TPR: variants seen among roughly 807,000 people sequenced by gnomAD.
TPR encodes the protein nucleoprotein TPR.
Under a neutral mutation model 316.1 loss-of-function variants are expected in TPR, and 51 were observed. The observed-to-expected ratio is 0.16, with a 90% CI of 0.13 to 0.20. The LOEUF (loss-of-function observed/expected upper bound fraction) is 0.20. Ranked by LOEUF, TPR falls within the 10% of genes least tolerant of loss-of-function variation. TPR has a pLI of 1.00. For synonymous variants in TPR, 981 were observed against 914.7 expected (o/e 1.07, Z -1.31); for missense variants, 2,272 against 2,754.8 (o/e 0.82, Z 3.92).
chr1:186,368,924 A>G lies in TPR; in HGVS notation c.331-942T>C, dbSNP rs112440689. Among the ~76,000 whole-genome samples, 1,000 of 152,292 alleles carry G rather than the reference A, an allele frequency of 6.6e-3. 18 individuals carry two copies. Among genetic ancestry groups the G allele is most frequent in the African/African-American group, 0.023 (969 of 41,574 alleles). ...TCATCCATCTTGGCTTGATTTCGGT[A>G]TATGATGTAAGCAACACAAACATCC... On this transcript the variant is annotated intron_variant, in intron 3 of 50. Transcript: ENST00000367478.
chr1:186,322,562 A>G lies in TPR; in HGVS notation c.6322T>C (p.Ser2108Pro). The G allele has an allele frequency of 3.1e-6, 5 of 1,614,114 alleles. No individual in the cohort carries two copies. The highest frequency in any genetic ancestry group is 4.2e-6 in the Non-Finnish European group (5 of 1,179,978). The change falls in exon 44 of 51, where the codon TCT becomes CCT. Residue 2108 changes from serine to proline, a missense_variant. By Grantham distance (74) the Ser-to-Pro change is moderately conservative. This residue lies in a region of TPR where 88 missense variants were observed against 176.2 expected (regional missense o/e 0.50). Transcript: ENST00000367478. ...GTCAACTGAAGGCCACGTCCTACAG[A>G]CTGCCTTCGGGTCATCTGAATTCTC... ...VQRIQMTRRQ[S>P]VGRGLQLTPG... is the part of the protein sequence containing the mutation.
intron 13 of TPR, 55 bp downstream of exon 13, chr1:186,358,488 G>T (rs1659090772): frequency 5.8e-6 from 8 of 1,370,060 alleles, no homozygotes; most frequent in Non-Finnish European, 8.2e-6. Context: ...CAGATTCAAA[G>T]ATTACTGGGC....
chr1:186,332,084 C>A, intron 38 of TPR, 111 bp downstream of exon 38: 2 of 1,175,512 alleles, frequency 1.7e-6, no homozygotes, highest in Non-Finnish European at 1.2e-6. Context: ...AAAGTGTTTT[C>A]CAGATAATAT....
intron 43 of TPR, 177 bp from the exon 44 acceptor site, chr1:186,322,763 T>C: frequency 1.6e-6 from 1 of 610,310 alleles, no homozygotes; most frequent in Non-Finnish European, 2.9e-6. Context: ...GACAAATTTT[T>C]AATTATAGTC....
intron 3 of TPR, among the ~76,000 whole-genome samples, chr1:186,370,570 G>T (rs1051454017): frequency 2.6e-5 from 4 of 151,624 alleles, no homozygotes; most frequent in Admixed American, 1.3e-4. Context: ...GTATAAAGTT[G>T]TATCTGGTTA....
chr1:186,375,235 T>C lies in TPR; in HGVS notation c.-207A>G, dbSNP rs766686216. ...GCGGCAGCGTTTCAGCAACAGCACC[T>C]CACCGCCCGCGACCGAAGTGCGCGC... On this transcript the variant is annotated 5_prime_UTR_variant, in exon 1 of 51. Transcript: ENST00000367478. 1 of 1,457,434 alleles carries C rather than the reference T, an allele frequency of 6.9e-7. No individual in the cohort carries two copies. Among genetic ancestry groups the C allele is most frequent in the East Asian group, 2.6e-5 (1 of 39,214 alleles). 90.3% of individuals were successfully genotyped at this position (1,457,434 alleles called of 1,614,324 possible).
At chr1:186,373,125 A>G (rs182352133) in intron 2 of TPR, among the ~76,000 whole-genome samples, 135 of 152,346 alleles carry the variant, frequency 8.9e-4, no homozygotes, top group African/African-American at 3.2e-3. Context: ...ATGTGGCAAA[A>G]GCAATTTTAA....
chr1:186,350,145 A>G, intron 21 of TPR, 78 bp downstream of exon 21: 3 of 1,298,962 alleles, frequency 2.3e-6, no homozygotes, highest in Non-Finnish European at 2.1e-6. Context: ...GAATTAGGCT[A>G]TTTACTGACA....
At chr1:186,327,024 TATATATATAAATATATATAAATATATA>T (rs1657960055) in intron 40 of TPR, among the ~76,000 whole-genome samples, 4 of 79,034 alleles carry the variant, frequency 5.1e-5, no homozygotes, top group African/African-American at 1.5e-4. Flanking sequence ...ATATATATAT[TATATATATAAATATATATAAATATATA>T]ACATATATAT....
chr1:186,356,378 T>A lies in TPR; in HGVS notation c.1796A>T (p.His599Leu). The stretch of plus-strand genomic sequence containing the variant: ...TATGGAATCAACAAGCTGCATTTGA[T>A]GCTGTCGTGATTTGCGGAGTTGTTC... The part of the protein sequence containing the change: ...ELEQLRKSRQ[H>L]QMQLVDSIVR... The change falls in exon 15 of 51, where the codon CAT becomes CTT. Residue 599 changes from histidine to leucine, a missense_variant. This residue lies in a region of TPR where 757 missense variants were observed against 859.8 expected (regional missense o/e 0.88). Coordinates refer to ENST00000367478, the MANE Select transcript of TPR (RefSeq NM_003292.3). 1 of 1,613,976 alleles carries A rather than the reference T, an allele frequency of 6.2e-7. No individual in the cohort carries two copies. Among genetic ancestry groups the A allele is most frequent in the Non-Finnish European group, 8.5e-7 (1 of 1,179,912 alleles).
chr1:186,342,799 TATC>T (rs1401693627), intron 27 of TPR: 1 of 152,242 alleles, frequency 6.6e-6, no homozygotes, highest in Non-Finnish European at 1.5e-5. Context: ...CTTGTCTTAT[TATC>T]ATCCATTTCA....
At chr1:186,323,627 G>A (rs973205764) in intron 43 of TPR, 59 bp downstream of exon 43, 1 of 1,380,000 alleles carries the variant, frequency 7.2e-7, no homozygotes, top group South Asian at 1.9e-5. Flanking sequence ...TAATGGAAAG[G>A]GAGAAAAGCC....
rs775893538 is a variant in TPR at position 186,318,845 on chromosome 1, A to G, written c.6569-17T>C. 3 of 1,604,696 alleles carry G rather than the reference A, an allele frequency of 1.9e-6. No homozygotes were observed. The highest frequency in any genetic ancestry group is 2.2e-5 in the South Asian group (2 of 89,394). The stretch of plus-strand genomic sequence containing the variant: ...TTCCTAAACCTAAAGACAATTCTGA[A>G]TATTAATGAATGACTGAAAAAAACA... On this transcript the variant is annotated splice_polypyrimidine_tract_variant and intron_variant, in intron 46 of 50. Transcript: ENST00000367478.
chr1:186,362,649 A>G (rs1659232424), intron 6 of TPR, among the ~76,000 whole-genome samples, 188 bp downstream of exon 6: 1 of 152,076 alleles, frequency 6.6e-6, no homozygotes, highest in African/African-American at 2.4e-5. Flanking sequence ...CAGATTTGAC[A>G]AAGAATCTTA....
At chr1:186,316,444 T>C (rs984045162) in intron 49 of TPR, among the ~76,000 whole-genome samples, 10 of 152,232 alleles carry the variant, frequency 6.6e-5, no homozygotes, top group African/African-American at 2.4e-4. Flanking sequence ...AGCAAAGTTC[T>C]GTGATTTAAA....
intron 18 of TPR, 84 bp from the exon 19 acceptor site, chr1:186,352,194 A>G (rs1658882650): frequency 7.6e-7 from 1 of 1,311,542 alleles, no homozygotes; most frequent in South Asian, 1.7e-5. Flanking sequence ...AATGATTCAT[A>G]CATCACTACT....
intron 29 of TPR, among the ~76,000 whole-genome samples, chr1:186,340,618 T>C (rs1038083833): frequency 1.3e-5 from 2 of 151,758 alleles, no homozygotes; most frequent in African/African-American, 4.8e-5. Context: ...TTTTGTAGAG[T>C]TGGAGTCTCA....
chr1:186,313,780 C>A lies in TPR; in HGVS notation c.*191G>T. The A allele has an allele frequency of 6.3e-7, 1 of 1,588,954 alleles. No individual in the cohort carries two copies. The highest frequency in any genetic ancestry group is 1.3e-5 in the African/African-American group (1 of 74,390). ...AAAGTCTGGTACAACTGTCCTTAGA[C>A]TGATGAGCAAAGGAGGAGTCAACTA... On this transcript the variant is annotated 3_prime_UTR_variant, in exon 51 of 51. Transcript: ENST00000367478.
chr1:186,316,252 T>C (rs1329311446), intron 49 of TPR, among the ~76,000 whole-genome samples: 2 of 152,184 alleles, frequency 1.3e-5, no homozygotes, highest in Non-Finnish European at 2.9e-5. Flanking sequence ...TATGAAATGG[T>C]TCTGTAATTT....
Sources: gnomAD v4.1 joint callset for allele counts (sites outside exome capture counted in the v4.1 genomes callset) on GRCh38, gnomAD v4.1.1 for gene constraint, gnomAD v4.1.1 regional missense constraint, MANE v1.5 for transcripts, NCBI Gene and HGNC (gene_info 2026-07-23, HGNC 2026-07-21) for gene names.